Variants in LMNTD1 observed in about 807,000 individuals in gnomAD.
LMNTD1 encodes the protein lamin tail domain-containing protein 1.
In LMNTD1, 35 loss-of-function variants were observed where a neutral mutation model predicts 50.9. The ratio of observed to expected loss-of-function variants is 0.69; its 90% confidence interval spans 0.53 to 0.91. LMNTD1 has a LOEUF of 0.91. Ranked by LOEUF, LMNTD1 falls within the 40% of genes least tolerant of loss-of-function variation. The pLI, the probability that LMNTD1 is intolerant of heterozygous loss-of-function variation, is 0.00. For synonymous variants in LMNTD1, 153 were observed against 161.9 expected (o/e 0.94, Z 0.42); for missense variants, 470 against 475.5 (o/e 0.99, Z 0.11).
At chr12:25,494,750 G>C (rs1288728622) in intron 9 of LMNTD1, among the ~76,000 whole-genome samples, 1 of 152,032 alleles carries the variant, frequency 6.6e-6, no homozygotes, top group Admixed American at 6.6e-5. Context: ...ATGGTATTTT[G>C]AGGTATGTAT....
chr12:25,505,030 T>G (rs1254749473), intron 8 of LMNTD1, among the ~76,000 whole-genome samples: 1 of 152,204 alleles, frequency 6.6e-6, no homozygotes, highest in Non-Finnish European at 1.5e-5. Flanking sequence ...GGTTTTCAAT[T>G]GTACCCTGAA....
At chr12:25,585,174 G>A (rs990582705) in intron 1 of LMNTD1, among the ~76,000 whole-genome samples, 2 of 152,176 alleles carry the variant, frequency 1.3e-5, no homozygotes, top group African/African-American at 2.4e-5. Context: ...AAGACATTCA[G>A]GGTCTTGGAT....
At chr12:25,603,948 G>GT (rs953117312) in intron 1 of LMNTD1, among the ~76,000 whole-genome samples, 13 of 149,100 alleles carry the variant, frequency 8.7e-5, no homozygotes, top group African/African-American at 2.3e-4. Context: ...ACGAATATTG[G>GT]GGGGGAAGGC....
Position 25,503,724 on chromosome 12 carries a change from A to G in LMNTD1, c.*22+14T>C. ...TTTCTGTGGAGAAAGCAAATTTGCAATACAGTTACTTACCTTTAAAGGTTG... is the reference window on the plus strand; with the variant it reads ...TTTCTGTGGAGAAAGCAAATTTGCAGTACAGTTACTTACCTTTAAAGGTTG... On this transcript the variant is annotated intron_variant, in intron 9 of 9. Transcript: ENST00000458174. 2 of 1,454,378 alleles carry G rather than the reference A, an allele frequency of 1.4e-6. No homozygotes were observed. The highest frequency in any genetic ancestry group is 1.2e-5 in the South Asian group (1 of 83,496). 90.1% of individuals were successfully genotyped at this position (1,454,378 alleles called of 1,614,324 possible). A position where few individuals can be genotyped will look rare whatever the true frequency, so the allele number is the denominator to read the frequency against.
intron 1 of LMNTD1, among the ~76,000 whole-genome samples, chr12:25,562,393 G>A (rs911070556): frequency 2.0e-5 from 3 of 152,176 alleles, no homozygotes; most frequent in African/African-American, 7.2e-5. Flanking sequence ...CTTCACTTAT[G>A]AAGCTTAGTT....
chr12:25,527,640 C>CTATATATATATA (rs61347000), intron 4 of LMNTD1, among the ~76,000 whole-genome samples: 120 of 61,372 alleles, frequency 2.0e-3, no homozygotes, highest in Non-Finnish European at 2.9e-3. Flanking sequence ...CTTAATAACA[C>CTATATATATATA]TATATATATA....
chr12:25,507,943 G>T (rs1330847039), intron 8 of LMNTD1, among the ~76,000 whole-genome samples: 1 of 151,888 alleles, frequency 6.6e-6, no homozygotes, highest in Non-Finnish European at 1.5e-5. Flanking sequence ...CTTATTAATG[G>T]TTAAGACTGT....
intron 1 of LMNTD1, among the ~76,000 whole-genome samples, chr12:25,624,408 T>C (rs1234431121): frequency 6.6e-6 from 1 of 152,162 alleles, no homozygotes; most frequent in Non-Finnish European, 1.5e-5. Flanking sequence ...ATAACTGTGA[T>C]ATAGAGCAAA....
intron 1 of LMNTD1, among the ~76,000 whole-genome samples, chr12:25,630,374 T>C (rs148351504): frequency 6.6e-5 from 10 of 152,136 alleles, no homozygotes; most frequent in African/African-American, 2.2e-4. Flanking sequence ...GAGGTTCGCA[T>C]TGTGAATTTT....
chr12:25,482,911 CG>C (rs1414539294), intron 9 of LMNTD1, among the ~76,000 whole-genome samples: 1 of 151,884 alleles, frequency 6.6e-6, no homozygotes, highest in African/African-American at 2.4e-5. Context: ...CACTTTGGAG[CG>C]TGTGTTCACT....
chr12:25,561,244 A>G (rs564109606), intron 1 of LMNTD1, among the ~76,000 whole-genome samples: 90 of 152,194 alleles, frequency 5.9e-4, no homozygotes, highest in African/African-American at 2.0e-3. Flanking sequence ...TAGGGTGTCA[A>G]TTTTAGGTCT....
chr12:25,607,301 T>G (rs966697243), intron 1 of LMNTD1, among the ~76,000 whole-genome samples: 4 of 152,188 alleles, frequency 2.6e-5, no homozygotes, highest in South Asian at 4.1e-4. Context: ...ATTCATTGAT[T>G]TTTTGAAGGG....
intron 9 of LMNTD1, among the ~76,000 whole-genome samples, chr12:25,498,155 T>G (rs1380447991): frequency 6.6e-6 from 1 of 152,174 alleles, no homozygotes; most frequent in Non-Finnish European, 1.5e-5. Context: ...CATTAATAAT[T>G]GGCATATTTC....
chr12:25,602,003 A>G (rs778442428), intron 1 of LMNTD1, among the ~76,000 whole-genome samples: 51 of 152,074 alleles, frequency 3.4e-4, no homozygotes, highest in Non-Finnish European at 7.1e-4. Flanking sequence ...TTTTTACCAA[A>G]GTATTAATGC....
chr12:25,607,765 A>G (rs911616173), intron 1 of LMNTD1, among the ~76,000 whole-genome samples: 17 of 152,308 alleles, frequency 1.1e-4, no homozygotes, highest in Non-Finnish European at 1.8e-4. Flanking sequence ...TATGTGGTCA[A>G]TTTTGGAAAA....
At chr12:25,502,325 A>C (rs1362170334) in intron 9 of LMNTD1, among the ~76,000 whole-genome samples, 2 of 152,138 alleles carry the variant, frequency 1.3e-5, no homozygotes, top group African/African-American at 4.8e-5. Flanking sequence ...AAACATAATC[A>C]AATTATGGAA....
intron 1 of LMNTD1, among the ~76,000 whole-genome samples, chr12:25,602,190 A>G (rs1360799317): frequency 1.3e-5 from 2 of 151,942 alleles, no homozygotes; most frequent in Non-Finnish European, 2.9e-5. Context: ...AATCTCTCAG[A>G]AAAGCATGAA....
chr12:25,492,405 C>G (rs1420681887), intron 9 of LMNTD1, among the ~76,000 whole-genome samples: 1 of 152,108 alleles, frequency 6.6e-6, no homozygotes, highest in Non-Finnish European at 1.5e-5. Context: ...TCATGAGTTG[C>G]ATTGTATAGA....
At chr12:25,593,297 C>G (rs1311670645) in intron 1 of LMNTD1, among the ~76,000 whole-genome samples, 1 of 152,138 alleles carries the variant, frequency 6.6e-6, no homozygotes, top group Non-Finnish European at 1.5e-5. Context: ...AGGACCCTTA[C>G]AGAGCACATT....
Sources: allele counts gnomAD v4.1 joint callset (sites outside exome capture counted in the v4.1 genomes callset), GRCh38; gene constraint gnomAD v4.1.1; transcripts MANE v1.5; gene names NCBI Gene and HGNC (gene_info 2026-07-23, HGNC 2026-07-21).